The following RORA variants were observed in gnomAD, a reference collection of about 807,000 sequenced individuals.
RORA encodes the protein RAR related orphan receptor A.
In RORA, 7 loss-of-function variants were observed where a neutral mutation model predicts 69.5. That is an observed-to-expected ratio of 0.10 (90% CI 0.06 to 0.19). The LOEUF is 0.19. Ranked by LOEUF, RORA falls within the 10% of genes least tolerant of loss-of-function variation. RORA has a pLI of 1.00. For missense variants in RORA, 457 were observed against 663.0 expected, an observed-to-expected ratio of 0.69 and a Z score of 3.41; for synonymous variants, 261 against 240.8, an observed-to-expected ratio of 1.08 and a Z score of -0.78.
At chr15:60,541,866 G>T (rs1197416977) in intron 2 of RORA, among the ~76,000 whole-genome samples, 1 of 152,192 alleles carries the variant, frequency 6.6e-6, no homozygotes, top group Non-Finnish European at 1.5e-5. Flanking sequence ...GCCATGTAAA[G>T]ATATCAAAAC....
intron 1 of RORA, among the ~76,000 whole-genome samples, chr15:61,210,765 G>C (rs890422030): frequency 9.2e-5 from 14 of 152,228 alleles, no homozygotes; most frequent in African/African-American, 3.4e-4. Flanking sequence ...TAGACTTACG[G>C]TCATAAATTT....
intron 2 of RORA, among the ~76,000 whole-genome samples, chr15:60,583,531 G>T (rs1244770699): frequency 6.6e-6 from 1 of 152,106 alleles, no homozygotes; most frequent in Non-Finnish European, 1.5e-5. Flanking sequence ...CACATGCAGA[G>T]GCTGGGGCTT....
Position 61,131,985 on chromosome 15 carries a change from T to A in RORA, c.166+97068A>T, listed in dbSNP as rs936562721. ...AGATGGAACTTATGGGTAGAATTCA[T>A]GCCCCTTGGGGCATTCTCCATTGCC... On this transcript the variant is annotated intron_variant, in intron 1 of 10. Coordinates refer to ENST00000335670, the MANE Select transcript of RORA (RefSeq NM_134261.3). The surrounding 1 kb of genome is among the most constrained non-coding windows in gnomAD (Gnocchi z 4.2). Among the ~76,000 whole-genome samples, 3 of 152,248 alleles carry A rather than the reference T, an allele frequency of 2.0e-5. No individual in the cohort carries two copies. The highest frequency in any genetic ancestry group is 4.4e-5 in the Non-Finnish European group (3 of 68,040).
intron 2 of RORA, among the ~76,000 whole-genome samples, chr15:60,677,619 A>G (rs2070574026): frequency 6.7e-6 from 1 of 150,342 alleles, no homozygotes; most frequent in South Asian, 2.1e-4. Context: ...ACAAATACAG[A>G]TAGACAGACA....
intron 2 of RORA, among the ~76,000 whole-genome samples, chr15:60,665,363 T>G (rs1268581172): frequency 6.6e-6 from 1 of 152,216 alleles, no homozygotes; most frequent in Non-Finnish European, 1.5e-5. Context: ...CCTTTACCTT[T>G]TACTCTATAG....
chr15:61,092,677 A>C (rs1428725048), intron 1 of RORA, among the ~76,000 whole-genome samples: 1 of 152,240 alleles, frequency 6.6e-6, no homozygotes, highest in East Asian at 1.9e-4. Context: ...ACATCTCTAC[A>C]ATCTGATGGG....
At chr15:61,098,612 G>C (rs1335470092) in intron 1 of RORA, among the ~76,000 whole-genome samples, 1 of 152,160 alleles carries the variant, frequency 6.6e-6, no homozygotes, top group Non-Finnish European at 1.5e-5. Flanking sequence ...TCAAATGCTA[G>C]GGTTAAAGGT....
chr15:61,127,444 C>T (rs2079153081), intron 1 of RORA, among the ~76,000 whole-genome samples: 1 of 152,196 alleles, frequency 6.6e-6, no homozygotes, highest in Non-Finnish European at 1.5e-5. Context: ...GATGTTCACA[C>T]CTTTTCGGCT....
In RORA at chr15:61,172,190, C is replaced by T. The variant is rs565883903; in HGVS notation, c.166+56863G>A. ...ACACAGCAGATGAATATTTAATACA[C>T]TGGAGCTTATCTTTAAGAGAAAAAA... On this transcript the variant is annotated intron_variant, in intron 1 of 10. Coordinates refer to ENST00000335670, the MANE Select transcript of RORA (RefSeq NM_134261.3). Among the ~76,000 whole-genome samples the T allele has an allele frequency of 1.1e-3, 174 of 152,216 alleles. 1 individual carries two copies. Among genetic ancestry groups the T allele is most frequent in the African/African-American group, 3.9e-3 (164 of 41,526 alleles).
chr15:60,915,379 C>A (rs991142932), intron 1 of RORA, among the ~76,000 whole-genome samples: 2 of 152,344 alleles, frequency 1.3e-5, no homozygotes, highest in Admixed American at 6.5e-5. Flanking sequence ...TCAGGCAGCA[C>A]TGATTCCACT....
chr15:60,968,486 G>T (rs1893619694), intron 1 of RORA, among the ~76,000 whole-genome samples: 1 of 152,104 alleles, frequency 6.6e-6, no homozygotes, highest in African/African-American at 2.4e-5. Flanking sequence ...GGCTAATAGG[G>T]CCAACCCAGG....
chr15:60,819,929 C>G (rs2072872298), intron 1 of RORA, among the ~76,000 whole-genome samples: 1 of 152,196 alleles, frequency 6.6e-6, no homozygotes, highest in Non-Finnish European at 1.5e-5. Flanking sequence ...CTGCCTGCTT[C>G]CCTGCCTGCT....
At chr15:60,562,493 T>C (rs978598596) in intron 2 of RORA, among the ~76,000 whole-genome samples, 2 of 151,740 alleles carry the variant, frequency 1.3e-5, no homozygotes, top group Non-Finnish European at 2.9e-5. Context: ...TGGAGTGCAG[T>C]GGCTCTATCT....
chr15:61,019,372 T>A (rs552473835), intron 1 of RORA, among the ~76,000 whole-genome samples: 6 of 152,202 alleles, frequency 3.9e-5, no homozygotes, highest in African/African-American at 1.4e-4. Context: ...AGTCTTCCCC[T>A]GGGTTCTTCC....
At chr15:61,062,113 C>G (rs939666178) in intron 1 of RORA, among the ~76,000 whole-genome samples, 2 of 152,136 alleles carry the variant, frequency 1.3e-5, no homozygotes, top group African/African-American at 2.4e-5. Context: ...AGACAGTACC[C>G]CCACCCTATG....
intron 1 of RORA, among the ~76,000 whole-genome samples, chr15:61,139,232 G>A (rs932935445): frequency 6.6e-6 from 1 of 152,096 alleles, no homozygotes; most frequent in Admixed American, 6.5e-5. Flanking sequence ...CAACAAAGGG[G>A]TGATAGGGCA....
chr15:61,046,448 G>T (rs1897031204), intron 1 of RORA, among the ~76,000 whole-genome samples: 1 of 152,118 alleles, frequency 6.6e-6, no homozygotes, highest in Admixed American at 6.5e-5. Context: ...CAAAGGGGAA[G>T]GTGGTCGTGG....
chr15:60,842,451 C>T (rs1052248977), intron 1 of RORA, among the ~76,000 whole-genome samples: 1 of 152,204 alleles, frequency 6.6e-6, no homozygotes, highest in African/African-American at 2.4e-5. Context: ...ACTTAGTACA[C>T]ATCAGATACA....
rs189322733 is a variant in RORA at position 61,051,611 on chromosome 15, C to G, written c.166+177442G>C. ...CATCCCACAGCAGTTTTAAGTGTGG[C>G]TCCATGAGAGTAAGACACCAGGACA... On this transcript the variant is annotated intron_variant, in intron 1 of 10. Transcript: ENST00000335670. 1.1e-3 allele frequency among the ~76,000 whole-genome samples: 163 copies of G among 152,320 alleles called. 1 individual carries two copies. The highest frequency in any genetic ancestry group is 1.9e-3 in the Non-Finnish European group (126 of 68,024).
Sources: gnomAD v4.1 joint callset for allele counts (sites outside exome capture counted in the v4.1 genomes callset) on GRCh38, gnomAD v4.1.1 for gene constraint, Gnocchi (gnomAD v3.1) non-coding constraint, MANE v1.5 for transcripts, NCBI Gene and HGNC (gene_info 2026-07-23, HGNC 2026-07-21) for gene names.